RETREG1: variants seen among roughly 807,000 people sequenced by gnomAD.
The protein encoded by RETREG1 is family with sequence similarity 134 member B.
A neutral mutation model predicts 54.8 loss-of-function variants in RETREG1; 44 were observed. The observed-to-expected ratio is 0.80, with a 90% CI of 0.63 to 1.03. The LOEUF (loss-of-function observed/expected upper bound fraction) is 1.03, where lower values mean the gene tolerates loss of function less well. Among genes scored for constraint, RETREG1 ranks in the 50% least tolerant of loss-of-function variants. The probability of loss-of-function intolerance (pLI) is 0.00; values close to 1 mark genes in which losing one functional copy is unlikely to be tolerated. For synonymous variants in RETREG1, 217 were observed against 238.5 expected (o/e 0.91, Z 0.83); for missense variants, 554 against 605.1 (o/e 0.92, Z 0.89).
chr5:16,529,574 A>T (rs890865907), intron 3 of RETREG1, among the ~76,000 whole-genome samples: 7 of 152,230 alleles, frequency 4.6e-5, no homozygotes, highest in Non-Finnish European at 8.8e-5. Context: ...TAATTTAACA[A>T]ATCAGAAACA....
At chr5:16,546,083 G>A (rs1579670659) in intron 3 of RETREG1, among the ~76,000 whole-genome samples, 1 of 152,188 alleles carries the variant, frequency 6.6e-6, no homozygotes, top group Non-Finnish European at 1.5e-5. Context: ...TACAATGATT[G>A]AAATCCCAAG....
chr5:16,490,606 A>G (rs745786247), intron 3 of RETREG1, among the ~76,000 whole-genome samples: 1 of 146,094 alleles, frequency 6.8e-6, no homozygotes, highest in Non-Finnish European at 1.5e-5. Flanking sequence ...CTTACAACCA[A>G]CCTGTGAGTG....
At chr5:16,558,032 A>C (rs571102478) in intron 3 of RETREG1, among the ~76,000 whole-genome samples, 1 of 152,212 alleles carries the variant, frequency 6.6e-6, no homozygotes, top group African/African-American at 2.4e-5. Flanking sequence ...GAAAAAACAA[A>C]ATTTAAAAAA....
chr5:16,610,336 A>G (rs965009899), intron 1 of RETREG1, among the ~76,000 whole-genome samples: 4 of 152,162 alleles, frequency 2.6e-5, no homozygotes, highest in African/African-American at 9.7e-5. Flanking sequence ...TACTATTTAT[A>G]CCAATAGAAG....
chr5:16,575,705 C>T (rs1273120948), intron 1 of RETREG1, among the ~76,000 whole-genome samples: 4 of 152,200 alleles, frequency 2.6e-5, no homozygotes, highest in Admixed American at 1.3e-4. Context: ...TGTTGGTCAT[C>T]GAGAATCCTC....
At chr5:16,566,479 C>T (rs1266939637) in intron 2 of RETREG1, among the ~76,000 whole-genome samples, 1 of 152,170 alleles carries the variant, frequency 6.6e-6, no homozygotes, top group Non-Finnish European at 1.5e-5. Flanking sequence ...CTCCCAGCTA[C>T]CAGCTTTAAT....
chr5:16,505,135 G>A (rs150388084), intron 3 of RETREG1, among the ~76,000 whole-genome samples: 24 of 152,224 alleles, frequency 1.6e-4, no homozygotes, highest in East Asian at 5.8e-4. Flanking sequence ...CAGCCCTACC[G>A]CTCCGGAGTC....
At chr5:16,482,990 A>G (rs1738864016) in intron 4 of RETREG1, 1 of 219,840 alleles carries the variant, frequency 4.5e-6, no homozygotes. Context: ...AGAACTATGT[A>G]TTCATTTCAT....
intron 4 of RETREG1, 34 bp from the exon 5 acceptor site, chr5:16,481,127 G>A (rs1738754438): frequency 1.4e-6 from 2 of 1,440,408 alleles, no homozygotes; most frequent in Non-Finnish European, 2.0e-6. Context: ...GGATAGTTAA[G>A]CATAACACCA....
At chr5:16,507,866 A>C (rs1486394769) in intron 3 of RETREG1, among the ~76,000 whole-genome samples, 1 of 152,202 alleles carries the variant, frequency 6.6e-6, no homozygotes, top group Non-Finnish European at 1.5e-5. Flanking sequence ...TCCAAATTTC[A>C]ATGGCCCCAA....
At chr5:16,583,629 A>G (rs2451856) in intron 1 of RETREG1, among the ~76,000 whole-genome samples, 21,698 of 152,170 alleles carry the variant, frequency 0.14, 1,541 homozygotes, top group Non-Finnish European at 0.16. Flanking sequence ...AATAGGATAA[A>G]TTTCCTATAA....
intron 3 of RETREG1, among the ~76,000 whole-genome samples, chr5:16,563,307 G>T (rs1479262898): frequency 9.2e-5 from 14 of 152,134 alleles, no homozygotes; most frequent in Admixed American, 9.2e-4. Context: ...GCCCAGGCTG[G>T]AGTGCAGTGG....
intron 1 of RETREG1, among the ~76,000 whole-genome samples, chr5:16,601,083 C>T (rs1467500738): frequency 6.6e-6 from 1 of 152,144 alleles, no homozygotes; most frequent in African/African-American, 2.4e-5. Context: ...AAGAAGAAAA[C>T]AGGCTGGGTG....
intron 3 of RETREG1, among the ~76,000 whole-genome samples, chr5:16,525,264 A>G (rs1477008232): frequency 3.0e-4 from 24 of 81,282 alleles, no homozygotes; most frequent in East Asian, 2.0e-3. Context: ...TCTGGCCCCA[A>G]CAGGTGGATG....
chr5:16,592,208 A>C (rs72746188), intron 1 of RETREG1, among the ~76,000 whole-genome samples: 63,432 of 151,674 alleles, frequency 0.42, 13,249 homozygotes, highest in Non-Finnish European at 0.45. Context: ...ATAAATAAAA[A>C]TGTGGCTTCT....
intron 1 of RETREG1, among the ~76,000 whole-genome samples, chr5:16,595,603 C>A (rs964576728): frequency 6.6e-6 from 1 of 152,170 alleles, no homozygotes; most frequent in South Asian, 2.1e-4. Context: ...GAGTTACTCT[C>A]GTCATTAAGA....
At chr5:16,508,730 C>A (rs914166770) in intron 3 of RETREG1, 20 of 1,557,192 alleles carry the variant, frequency 1.3e-5, no homozygotes, top group Non-Finnish European at 1.6e-5. Flanking sequence ...AGGAAAAAAA[C>A]CCAGTAGAGA....
intron 1 of RETREG1, among the ~76,000 whole-genome samples, chr5:16,614,337 T>G (rs974121976): frequency 6.6e-6 from 1 of 152,212 alleles, no homozygotes; most frequent in African/African-American, 2.4e-5. Context: ...AAAAGAACAC[T>G]GGCCTACTTG....
intron 3 of RETREG1, among the ~76,000 whole-genome samples, chr5:16,534,314 T>C (rs1196971578): frequency 6.6e-6 from 1 of 152,170 alleles, no homozygotes; most frequent in Non-Finnish European, 1.5e-5. Context: ...AGCATCAGTG[T>C]ATGTTCAGAG....
Sources: allele counts gnomAD v4.1 joint callset (sites outside exome capture counted in the v4.1 genomes callset), GRCh38; gene constraint gnomAD v4.1.1; transcripts MANE v1.5; gene names NCBI Gene and HGNC (gene_info 2026-07-23, HGNC 2026-07-21).